The following ADNP variants were observed in gnomAD, a reference collection of about 807,000 sequenced individuals.
ADNP encodes the protein activity dependent neuroprotector homeobox.
ADNP carries 4 observed loss-of-function variants against 84.9 expected under a neutral mutation model. The observed-to-expected ratio is 0.05, with a 90% CI of 0.02 to 0.11. The LOEUF (loss-of-function observed/expected upper bound fraction) is 0.11, where lower values mean the gene tolerates loss of function less well. Ranked by LOEUF, ADNP falls within the 10% of genes least tolerant of loss-of-function variation. The pLI is 1.00. For synonymous variants in ADNP, 554 were observed against 468.1 expected (o/e 1.18, Z -2.37); for missense variants, 1,132 against 1,326.0 (o/e 0.85, Z 2.27).
intron 4 of ADNP, 57 bp downstream of exon 4, chr20:50,903,831 CA>C: frequency 7.4e-7 from 1 of 1,351,842 alleles, no homozygotes; most frequent in Admixed American, 1.9e-5. Flanking sequence ...GCCACTGACA[CA>C]AAGTAATGGA....
chr20:50,893,753 T>G lies in ADNP; in HGVS notation c.961A>C (p.Met321Leu), dbSNP rs1362533308. 1 of 1,614,050 alleles carries G rather than the reference T, an allele frequency of 6.2e-7. No individual in the cohort carries two copies. The highest frequency in any genetic ancestry group is 1.3e-5 in the African/African-American group (1 of 74,924). Reference sequence around the variant, plus strand: ...TGCTGCAGATGAACACTGGACATCATGTTGACTCCTGTAGAATTTAAGTTA... The same window carrying G: ...TGCTGCAGATGAACACTGGACATCAGGTTGACTCCTGTAGAATTTAAGTTA... ...KPNLNSTGVN[M>L]MSSVHLQQNN... The change falls in exon 6 of 6, where the codon ATG (methionine) becomes CTG (leucine). Residue 321 changes from methionine to leucine, a missense_variant. By Grantham distance (15) the Met-to-Leu change is conservative. This residue lies in a region of ADNP where 239 missense variants were observed against 213.2 expected (regional missense o/e 1.12). Transcript: ENST00000621696. This position sits in a 1 kb window ranked among gnomAD's most constrained non-coding sequence, Gnocchi z 4.4.
In ADNP at chr20:50,901,620, T is replaced by G. The variant is rs143118914; in HGVS notation, c.201+397A>C. On this transcript the variant is annotated intron_variant, in intron 5 of 5. Coordinates refer to ENST00000621696, the MANE Select transcript of ADNP (RefSeq NM_001282531.3). ...CAGAGTCACTTCCCCAGGCCTCCCA[T>G]AGAAGTTGGGTGCCATCAACATAGG... Among the ~76,000 whole-genome samples, 6 of 152,240 alleles carry G rather than the reference T, an allele frequency of 3.9e-5. No homozygotes were observed. In the East Asian group the frequency reaches 9.7e-4, roughly 24 times the overall value.
At chr20:50,910,477 T>C (rs1358851973) in intron 2 of ADNP, among the ~76,000 whole-genome samples, 2 of 152,080 alleles carry the variant, frequency 1.3e-5, no homozygotes, top group Non-Finnish European at 2.9e-5. Flanking sequence ...GTCCTAGATA[T>C]ACAGGCGGCT....
chr20:50,921,526 GACT>G (rs1458014264), intron 2 of ADNP, among the ~76,000 whole-genome samples: 2 of 152,174 alleles, frequency 1.3e-5, no homozygotes, highest in African/African-American at 4.8e-5. Flanking sequence ...AAGATTTTCA[GACT>G]ACAAGACTGG....
At chr20:50,917,434 CTCTT>C (rs1465579683) in intron 2 of ADNP, among the ~76,000 whole-genome samples, 6 of 152,218 alleles carry the variant, frequency 3.9e-5, no homozygotes, top group African/African-American at 1.4e-4. Flanking sequence ...TTTGAAGAAT[CTCTT>C]TCTATGCAAA....
At chr20:50,925,804 C>T (rs1417724771) in intron 2 of ADNP, among the ~76,000 whole-genome samples, 1 of 152,166 alleles carries the variant, frequency 6.6e-6, no homozygotes, top group Non-Finnish European at 1.5e-5. Context: ...CAAGCTCTTA[C>T]AAAACTAGGA....
chr20:50,891,035 T>C lies in ADNP; in HGVS notation c.*370A>G. 1 of 1,040,734 alleles carries C rather than the reference T, an allele frequency of 9.6e-7. No individual in the cohort carries two copies. The highest frequency in any genetic ancestry group is 4.2e-5 in the South Asian group (1 of 23,772). The allele number at this position is 1,040,734 out of a possible 1,614,324, so 64.5% of individuals were successfully genotyped here. A position where few individuals can be genotyped will look rare whatever the true frequency, so the allele number is the denominator to read the frequency against. ...ATACACATTAGACTGGTAGCTTGTA[T>C]GTTGGCCCTACACTACCATGTGAAT... On this transcript the variant is annotated 3_prime_UTR_variant, in exon 6 of 6. Coordinates refer to ENST00000621696, the MANE Select transcript of ADNP (RefSeq NM_001282531.3).
intron 5 of ADNP, among the ~76,000 whole-genome samples, chr20:50,897,083 G>A (rs960266282): frequency 4.6e-5 from 7 of 152,026 alleles, no homozygotes; most frequent in East Asian, 1.9e-4. Flanking sequence ...GATTACAGGC[G>A]CCCCACCACC....
At chr20:50,913,401 A>G (rs937012006) in intron 2 of ADNP, among the ~76,000 whole-genome samples, 1 of 151,922 alleles carries the variant, frequency 6.6e-6, no homozygotes, top group African/African-American at 2.4e-5. Flanking sequence ...AGAATTTCAG[A>G]TCCTTGATAT....
intron 2 of ADNP, among the ~76,000 whole-genome samples, chr20:50,907,427 G>A (rs960261575): frequency 3.3e-5 from 5 of 151,644 alleles, no homozygotes; most frequent in East Asian, 1.9e-4. Flanking sequence ...CCACCACATC[G>A]TGCTAATTTT....
Position 50,930,799 on chromosome 20 carries a change from G to C in ADNP, c.-265+27C>G, listed in dbSNP as rs1984678675. 5.4e-5 allele frequency: 8 copies of C among 149,520 alleles called. No individual in the cohort carries two copies. The South Asian group carries it at 1.4e-3, about 27-fold the overall frequency. 9.3% of individuals were successfully genotyped at this position (149,520 alleles called of 1,614,324 possible). Reference sequence around the variant, plus strand: ...GAAGCCAGGCAGGGCAGGGCCGCGGGTCCGCGCGCGGCGGCGCCGGGCTTA... The same window carrying C: ...GAAGCCAGGCAGGGCAGGGCCGCGGCTCCGCGCGCGGCGGCGCCGGGCTTA... On this transcript the variant is annotated intron_variant, in intron 1 of 5. Transcript: ENST00000621696.
At chr20:50,924,126 G>T (rs192277264) in intron 2 of ADNP, among the ~76,000 whole-genome samples, 1 of 152,132 alleles carries the variant, frequency 6.6e-6, no homozygotes, top group African/African-American at 2.4e-5. Flanking sequence ...TTCAGAAAAA[G>T]AAAGGGTAAA....
In ADNP at chr20:50,890,823, T is replaced by C; in HGVS notation, c.*582A>G. On this transcript the variant is annotated 3_prime_UTR_variant, in exon 6 of 6. Coordinates refer to ENST00000621696, the MANE Select transcript of ADNP (RefSeq NM_001282531.3). ...TCCATACTAGCGCAGTTTTGAGCTTTTGCTAGGTAAACTAGATAGAGCGTT... is the reference window on the plus strand; with the variant it reads ...TCCATACTAGCGCAGTTTTGAGCTTCTGCTAGGTAAACTAGATAGAGCGTT... The C allele has an allele frequency of 1.3e-6, 1 of 782,566 alleles. No individual in the cohort carries two copies. 48.5% of individuals were successfully genotyped at this position (782,566 alleles called of 1,614,324 possible). A position where few individuals can be genotyped will look rare whatever the true frequency, so the allele number is the denominator to read the frequency against.
At chr20:50,907,907 T>C (rs1982647230) in intron 2 of ADNP, among the ~76,000 whole-genome samples, 2 of 152,308 alleles carry the variant, frequency 1.3e-5, no homozygotes, top group South Asian at 4.1e-4. Context: ...CAGGAATGTA[T>C]GTTCACATTA....
chr20:50,927,751 G>A (rs1404032877), intron 2 of ADNP, among the ~76,000 whole-genome samples: 1 of 152,166 alleles, frequency 6.6e-6, no homozygotes, highest in Admixed American at 6.5e-5. Context: ...TAGAATACAT[G>A]CTTTCTAAGA....
chr20:50,901,320 TTAAAAAAAAA>T (rs1349513019), intron 5 of ADNP, among the ~76,000 whole-genome samples: 13 of 49,928 alleles, frequency 2.6e-4, no homozygotes, highest in Middle Eastern at 0.016. Flanking sequence ...CCTGGGGTAT[TTAAAAAAAAA>T]AAAAAAAAAA....
At chr20:50,900,786 C>T (rs1312159107) in intron 5 of ADNP, among the ~76,000 whole-genome samples, 1 of 152,092 alleles carries the variant, frequency 6.6e-6, no homozygotes, top group East Asian at 1.9e-4. Context: ...TCCATTTTTT[C>T]CTCTGATTAA....
intron 2 of ADNP, among the ~76,000 whole-genome samples, chr20:50,927,190 G>A (rs1388146760): frequency 6.6e-6 from 1 of 152,018 alleles, no homozygotes; most frequent in Non-Finnish European, 1.5e-5. Flanking sequence ...CCTGCACTCT[G>A]GTATAAGGAG....
At position 50,891,549 on chromosome 20, in the gene ADNP, C is replaced by T; in HGVS notation, c.3165G>A (p.Glu1055=). The T allele has an allele frequency of 6.2e-7, 1 of 1,612,160 alleles. No individual in the cohort carries two copies. The highest frequency in any genetic ancestry group is 8.5e-7 in the Non-Finnish European group (1 of 1,180,040). The change falls in exon 6 of 6, where the codon GAG becomes GAA. Residue 1055 remains glutamate, a synonymous_variant. Coordinates refer to ENST00000621696, the MANE Select transcript of ADNP (RefSeq NM_001282531.3). ...SQWKNASEND[E]RLSNPQIEWQ... is the part of the protein sequence containing the mutation. ...ACTCAATCTGGGGGTTAGATAAGCG[C>T]TCATCATTCTCAGATGCATTCTTCC...
Sources: gnomAD v4.1 joint callset for allele counts (sites outside exome capture counted in the v4.1 genomes callset) on GRCh38, gnomAD v4.1.1 for gene constraint, gnomAD v4.1.1 regional missense constraint, Gnocchi (gnomAD v3.1) non-coding constraint, MANE v1.5 for transcripts, NCBI Gene and HGNC (gene_info 2026-07-23, HGNC 2026-07-21) for gene names.